LRRC49: variants seen among roughly 807,000 people sequenced by gnomAD.
LRRC49 encodes leucine-rich repeat-containing protein 49.
Under a neutral mutation model 83.3 loss-of-function variants are expected in LRRC49, and 50 were observed. The observed-to-expected ratio is 0.60, with a 90% CI of 0.48 to 0.76. The LOEUF (loss-of-function observed/expected upper bound fraction) is 0.76. Among genes scored for constraint, LRRC49 ranks in the 30% least tolerant of loss-of-function variants. LRRC49 has a pLI of 0.00. For missense variants in LRRC49, 704 were observed against 809.1 expected, an observed-to-expected ratio of 0.87 and a Z score of 1.58; for synonymous variants, 286 against 283.3, an observed-to-expected ratio of 1.01 and a Z score of -0.10.
chr15:70,907,367 G>A (rs1418315909), intron 5 of LRRC49: 1 of 152,208 alleles, frequency 6.6e-6, no homozygotes. Context: ...CTAAAGCTAA[G>A]AAAGAACCTT....
intron 1 of LRRC49, among the ~76,000 whole-genome samples, chr15:70,870,529 T>C (rs1390762224): frequency 1.3e-5 from 2 of 151,638 alleles, no homozygotes; most frequent in Non-Finnish European, 2.9e-5. Context: ...TTGCTCTTAT[T>C]GCCAAGGCTG....
In LRRC49 at chr15:71,049,972, A is replaced by G. The variant is rs894132039; in HGVS notation, c.*360A>G. The G allele has an allele frequency of 5.9e-6, 1 of 170,040 alleles. No individual in the cohort carries two copies. The highest frequency in any genetic ancestry group is 2.4e-5 in the African/African-American group (1 of 42,194). The allele number at this position is 170,040 out of a possible 1,614,324, so 10.5% of individuals were successfully genotyped here. A position where few individuals can be genotyped will look rare whatever the true frequency, so the allele number is the denominator to read the frequency against. On this transcript the variant is annotated 3_prime_UTR_variant, in exon 16 of 16. Coordinates refer to ENST00000260382, the MANE Select transcript of LRRC49 (RefSeq NM_017691.5). ...AGCTGCATCTACCTACTTTTAGCTG[A>G]TAATTTTCAGTTATTTCCCTTTTTA...
At chr15:71,023,968 C>T (rs2039077130) in intron 14 of LRRC49, among the ~76,000 whole-genome samples, 1 of 152,200 alleles carries the variant, frequency 6.6e-6, no homozygotes, top group African/African-American at 2.4e-5. Flanking sequence ...ATCACTGCAT[C>T]TGACTGCTGC....
chr15:70,987,046 A>T (rs1190831488), intron 11 of LRRC49, among the ~76,000 whole-genome samples: 1 of 152,150 alleles, frequency 6.6e-6, no homozygotes, highest in African/African-American at 2.4e-5. Context: ...CCAGTATTTT[A>T]TTGAGGATTT....
At chr15:70,960,494 CTAAG>C (rs1271567778) in intron 8 of LRRC49, among the ~76,000 whole-genome samples, 1 of 151,864 alleles carries the variant, frequency 6.6e-6, no homozygotes. Context: ...AGTAAATAAA[CTAAG>C]TGTTTAAATC....
chr15:70,892,882 A>G lies in LRRC49; in HGVS notation c.-13A>G. The G allele has an allele frequency of 6.2e-7, 1 of 1,614,204 alleles. No individual in the cohort carries two copies. Among genetic ancestry groups the G allele is most frequent in the Non-Finnish European group, 8.5e-7 (1 of 1,180,040 alleles). On this transcript the variant is annotated 5_prime_UTR_variant, in exon 1 of 16. Transcript: ENST00000260382. Reference sequence around the variant, plus strand: ...AAGGCAGATCTAACAGAGAACCTGGACTGTCTCCTATCATGATTCCCGGGA... The same window carrying G: ...AAGGCAGATCTAACAGAGAACCTGGGCTGTCTCCTATCATGATTCCCGGGA...
At chr15:70,877,957 G>A (rs892762501) in intron 2 of LRRC49, among the ~76,000 whole-genome samples, 3 of 152,074 alleles carry the variant, frequency 2.0e-5, no homozygotes, top group East Asian at 1.9e-4. Flanking sequence ...GTGAAACCCC[G>A]TCTCTACTAA....
intron 11 of LRRC49, among the ~76,000 whole-genome samples, chr15:70,992,659 G>T (rs2037927335): frequency 1.3e-5 from 2 of 152,222 alleles, no homozygotes; most frequent in Admixed American, 6.5e-5. Context: ...TCCAGACCTT[G>T]TTTGCCTGGG....
intron 1 of LRRC49, chr15:70,854,069 TC>T (rs1403731513): frequency 7.3e-7 from 1 of 1,371,854 alleles, no homozygotes. Context: ...GGGCCGAGCC[TC>T]CCCGCCGGAC....
intron 8 of LRRC49, among the ~76,000 whole-genome samples, chr15:70,953,642 T>G (rs1229917937): frequency 1.3e-5 from 2 of 152,154 alleles, no homozygotes; most frequent in Non-Finnish European, 2.9e-5. Flanking sequence ...TCTCTGAGTT[T>G]CTTGAATTTG....
At chr15:71,022,790 T>A (rs2039034779) in intron 14 of LRRC49, among the ~76,000 whole-genome samples, 1 of 152,204 alleles carries the variant, frequency 6.6e-6, no homozygotes, top group Admixed American at 6.5e-5. Flanking sequence ...ATAAAATGCT[T>A]GAATAATGTG....
At chr15:70,892,704 C>T, upstream of LRRC49, 1 of 1,464,112 alleles carries the variant, frequency 6.8e-7, no homozygotes, top group Non-Finnish European at 9.0e-7. Flanking sequence ...TGGGCTCTCA[C>T]GAATACAACT....
chr15:70,855,949 T>C (rs1243713342), intron 1 of LRRC49, among the ~76,000 whole-genome samples: 1 of 152,160 alleles, frequency 6.6e-6, no homozygotes, highest in Non-Finnish European at 1.5e-5. Flanking sequence ...GCCTTCCAGT[T>C]TGATAATTTC....
Position 71,049,297 on chromosome 15 carries a change from AGGAATAGGGG to A in LRRC49, c.1858-110_1858-101del. On this transcript the variant is annotated intron_variant, in intron 15 of 15. Transcript: ENST00000260382. ...TCCTGCTCTGAGGAGTAGATGGGGGAGGAATAGGGGGTCAGAATAAATTATTTCAATTTTC... is the reference window on the plus strand; with the variant it reads ...TCCTGCTCTGAGGAGTAGATGGGGGAGTCAGAATAAATTATTTCAATTTTC... 3 of 671,590 alleles carry A rather than the reference AGGAATAGGGG, an allele frequency of 4.5e-6. No individual in the cohort carries two copies. In the East Asian group the frequency reaches 8.2e-5, roughly 18 times the overall value. The allele number at this position is 671,590 out of a possible 1,614,324, so 41.6% of individuals were successfully genotyped here. A position where few individuals can be genotyped will look rare whatever the true frequency, so the allele number is the denominator to read the frequency against.
chr15:71,045,017 A>G (rs183222441), intron 15 of LRRC49, among the ~76,000 whole-genome samples: 1 of 148,822 alleles, frequency 6.7e-6, no homozygotes, highest in Non-Finnish European at 1.5e-5. Context: ...CAGCCTCTCG[A>G]GTAGCTGGGA....
intron 11 of LRRC49, among the ~76,000 whole-genome samples, chr15:70,997,576 C>T (rs1311036479): frequency 2.0e-5 from 3 of 152,060 alleles, no homozygotes; most frequent in South Asian, 4.1e-4. Flanking sequence ...CATGGCGAAA[C>T]CCCGTCTCTA....
Position 71,053,572 on chromosome 15 carries a change from T to C in LRRC49, c.*3960T>C, listed in dbSNP as rs989512661. On this transcript the variant is annotated 3_prime_UTR_variant, in exon 16 of 16. Coordinates refer to ENST00000260382, the MANE Select transcript of LRRC49 (RefSeq NM_017691.5). ...AGAAGTATAGATTGGGCTAGAATTATAGAATTTGGAGTCATTGGCGTATAG... is the reference window on the plus strand; with the variant it reads ...AGAAGTATAGATTGGGCTAGAATTACAGAATTTGGAGTCATTGGCGTATAG... The C allele has an allele frequency of 6.6e-6, 1 of 152,260 alleles. No individual in the cohort carries two copies. Among genetic ancestry groups the C allele is most frequent in the Non-Finnish European group, 1.5e-5 (1 of 68,064 alleles). 9.4% of individuals were successfully genotyped at this position (152,260 alleles called of 1,614,324 possible).
At chr15:70,893,487 A>T in intron 1 of LRRC49, 97 bp from the exon 2 acceptor site, 1 of 739,714 alleles carries the variant, frequency 1.4e-6, no homozygotes, top group Non-Finnish European at 2.3e-6. Flanking sequence ...ATTGTGTTCT[A>T]TTTTTTTGTT....
chr15:71,036,636 T>C (rs1035768464), intron 14 of LRRC49, among the ~76,000 whole-genome samples: 1 of 152,202 alleles, frequency 6.6e-6, no homozygotes, highest in Non-Finnish European at 1.5e-5. Context: ...CTTGTTTCAA[T>C]ATTTAACCCC....
Sources: gnomAD v4.1 joint callset for allele counts (sites outside exome capture counted in the v4.1 genomes callset) on GRCh38, gnomAD v4.1.1 for gene constraint, MANE v1.5 for transcripts, NCBI Gene and HGNC (gene_info 2026-07-23, HGNC 2026-07-21) for gene names.